ARG1: variants seen among roughly 807,000 people sequenced by gnomAD.
The protein encoded by ARG1 is arginase-1.
A neutral mutation model predicts 33.0 loss-of-function variants in ARG1; 20 were observed. The ratio of observed to expected loss-of-function variants is 0.61; its 90% CI spans 0.43 to 0.88. The LOEUF is 0.88. Ranked by LOEUF, ARG1 falls within the 40% of genes least tolerant of loss-of-function variation. The probability of loss-of-function intolerance (pLI) is 0.00; values close to 1 mark genes in which losing one functional copy is unlikely to be tolerated. For missense variants in ARG1, 374 were observed against 384.7 expected (o/e 0.97, Z 0.23); for synonymous variants, 146 against 140.6 (o/e 1.04, Z -0.27).
intron 1 of ARG1, 64 bp downstream of exon 1, chr6:131,573,403 T>C (rs1156709839): frequency 4.0e-6 from 6 of 1,510,686 alleles, no homozygotes; most frequent in Admixed American, 1.7e-5. Flanking sequence ...CTTCAAAATT[T>C]GTAAGGTGTT....
intron 6 of ARG1, 80 bp from the exon 7 acceptor site, chr6:131,583,275 T>C (rs1342948829): frequency 3.1e-6 from 5 of 1,608,962 alleles, no homozygotes; most frequent in African/African-American, 2.7e-5. Context: ...CTACTTTTTA[T>C]AAAACAAGTT....
intron 2 of ARG1, 136 bp from the exon 3 acceptor site, chr6:131,578,975 G>C: frequency 9.8e-7 from 1 of 1,020,326 alleles, no homozygotes; most frequent in Non-Finnish European, 1.4e-6. Context: ...ACCTTCCCAA[G>C]ATTTACAGAC....
At chr6:131,574,272 CT>C in intron 1 of ARG1, 1 of 1,613,920 alleles carries the variant, frequency 6.2e-7, no homozygotes, top group Non-Finnish European at 8.5e-7. Context: ...ATTTGGAACC[CT>C]TGCTGTGTAC....
chr6:131,578,186 T>TA (rs34484161), intron 2 of ARG1, among the ~76,000 whole-genome samples: 70,309 of 139,946 alleles, frequency 0.5, 17,332 homozygotes, highest in East Asian at 0.71. Context: ...CGTAAATCTT[T>TA]AAAAAAAAAA....
chr6:131,578,358 A>C (rs1387249160), intron 2 of ARG1, among the ~76,000 whole-genome samples: 2 of 152,212 alleles, frequency 1.3e-5, no homozygotes, highest in Non-Finnish European at 2.9e-5. Context: ...TACCATATTT[A>C]ATGGCCAATT....
intron 2 of ARG1, among the ~76,000 whole-genome samples, chr6:131,577,059 G>A (rs1432001179): frequency 6.6e-6 from 1 of 152,122 alleles, no homozygotes; most frequent in Non-Finnish European, 1.5e-5. Context: ...GCAGCAGGAA[G>A]TATGCTACTA....
At chr6:131,578,791 A>C (rs1773762506) in intron 2 of ARG1, among the ~76,000 whole-genome samples, 1 of 152,228 alleles carries the variant, frequency 6.6e-6, no homozygotes, top group Non-Finnish European at 1.5e-5. Context: ...AGAGAGACAG[A>C]GACAGAGACA....
At chr6:131,581,474 T>G (rs1585420812) in intron 4 of ARG1, 96 bp downstream of exon 4, 7 of 1,370,522 alleles carry the variant, frequency 5.1e-6, no homozygotes, top group Non-Finnish European at 7.0e-6. Context: ...TATCTTATTC[T>G]TGGTGTAATC....
In ARG1 at chr6:131,583,853, G is replaced by T; in HGVS notation, c.914G>T (p.Gly305Val). ...GTTGCAATAACCTTGGCTTGTTTCG[G>T]ACTTGCTCGGGAGGGTAATCACAAG... ...TAVAITLACFGLAREGNHKPI... is the reference protein window; with the variant it reads ...TAVAITLACFVLAREGNHKPI... Residue 305 changes from glycine to valine, a missense_variant, in exon 8 of 8, where the codon GGA (glycine) becomes GTA (valine). By Grantham distance (109) the Gly-to-Val change is moderately radical. Coordinates refer to ENST00000368087, the MANE Select transcript of ARG1 (RefSeq NM_000045.4). 1 of 1,614,146 alleles carries T rather than the reference G, an allele frequency of 6.2e-7. No individual in the cohort carries two copies.
Position 131,581,400 on chromosome 6 carries a change from T to A in ARG1, c.465+22T>A, listed in dbSNP as rs145181256. On this transcript the variant is annotated intron_variant, in intron 4 of 7. Transcript: ENST00000368087. ...AAAGGTAAAAGACTGGTTGGTACTC[T>A]AGTGCAATAGAATACTTTTTAGTAG... The A allele has an allele frequency of 2.8e-4, 446 of 1,604,178 alleles. 1 individual carries two copies. In the African/African-American group the frequency reaches 3.4e-3, roughly 12 times the overall value.
At chr6:131,575,565 G>A (rs917804422) in intron 1 of ARG1, among the ~76,000 whole-genome samples, 3 of 152,190 alleles carry the variant, frequency 2.0e-5, no homozygotes, top group African/African-American at 7.2e-5. Flanking sequence ...CCCAGGGCAA[G>A]TCTTCTGTTC....
chr6:131,576,559 A>G lies in ARG1; in HGVS notation c.58-104A>G, dbSNP rs920554932. 5 of 1,140,448 alleles carry G rather than the reference A, an allele frequency of 4.4e-6. No individual in the cohort carries two copies. In the African/African-American group the frequency reaches 6.1e-5, roughly 14 times the overall value. The allele number at this position is 1,140,448 out of a possible 1,614,324, so 70.6% of individuals were successfully genotyped here. Reference sequence around the variant, plus strand: ...TTCCTGGCTCTGTAGGAGCTCAAAAAATGATAGTTACAGTTCAACTGATTA... The same window carrying G: ...TTCCTGGCTCTGTAGGAGCTCAAAAGATGATAGTTACAGTTCAACTGATTA... On this transcript the variant is annotated intron_variant, in intron 1 of 7. Transcript: ENST00000368087.
In ARG1 at chr6:131,583,173, C is replaced by A. The variant is rs1774025291; in HGVS notation, c.665+9C>A. ...AGCTATCTACTAGGAAGGTAGGATTCTTTTGTGTGTGCACACATGTGTGTG... is the reference window on the plus strand; with the variant it reads ...AGCTATCTACTAGGAAGGTAGGATTATTTTGTGTGTGCACACATGTGTGTG... On this transcript the variant is annotated intron_variant, in intron 6 of 7. Coordinates refer to ENST00000368087, the MANE Select transcript of ARG1 (RefSeq NM_000045.4). 1 of 1,611,292 alleles carries A rather than the reference C, an allele frequency of 6.2e-7. No homozygotes were observed. The highest frequency in any genetic ancestry group is 8.5e-7 in the Non-Finnish European group (1 of 1,177,538).
Position 131,573,330 on chromosome 6 carries a change from A to G in ARG1, c.48A>G (p.Ser16=). Residue 16 remains serine, a synonymous_variant, in exon 1 of 8, where the codon TCA becomes TCG. Transcript: ENST00000368087. Reference sequence around the variant, plus strand: ...TAGGGATTATTGGAGCTCCTTTCTCAAAGGGACAGGTAAGGAAAAAAGTCT... The same window carrying G: ...TAGGGATTATTGGAGCTCCTTTCTCGAAGGGACAGGTAAGGAAAAAAGTCT... ...RTIGIIGAPF[S]KGQPRGGVEE... The G allele has an allele frequency of 6.2e-7, 1 of 1,613,992 alleles. No homozygotes were observed. Among genetic ancestry groups the G allele is most frequent in the East Asian group, 2.2e-5 (1 of 44,872 alleles).
intron 3 of ARG1, among the ~76,000 whole-genome samples, chr6:131,579,989 A>G (rs768733486): frequency 7.9e-5 from 12 of 152,242 alleles, no homozygotes; most frequent in Middle Eastern, 3.4e-3. Context: ...ATTTTTCATC[A>G]AGGGGTTACA....
intron 1 of ARG1, among the ~76,000 whole-genome samples, chr6:131,576,110 C>T (rs1260632354): frequency 6.6e-6 from 1 of 152,186 alleles, no homozygotes; most frequent in African/African-American, 2.4e-5. Flanking sequence ...GCTTAAACAG[C>T]ATTTATTTCT....
Position 131,581,271 on chromosome 6 carries a change from GT to G in ARG1, c.359del (p.Val120AlafsTer14). 6.2e-7 allele frequency: 1 copy of G among 1,613,918 alleles called. No individual in the cohort carries two copies. Among genetic ancestry groups the G allele is most frequent in the Non-Finnish European group, 8.5e-7 (1 of 1,179,842 alleles). On this transcript the variant is annotated frameshift_variant, in exon 4 of 8. Coordinates refer to ENST00000368087, the MANE Select transcript of ARG1 (RefSeq NM_000045.4). LOFTEE classifies it high-confidence loss of function. ...GHARVHPDLG[V>X]IWVDAHTDIN... ...TGCCAGGGTCCACCCTGATCTTGGA[GT>G]CATCTGGGTGGATGCTCACACTGAT...
intron 1 of ARG1, chr6:131,574,025 C>G: frequency 3.9e-6 from 2 of 512,522 alleles, no homozygotes; most frequent in South Asian, 5.0e-5. Context: ...CTTACAGCCA[C>G]GAGCTGTGAA....
chr6:131,573,455 A>T, intron 1 of ARG1, 116 bp downstream of exon 1: 1 of 968,088 alleles, frequency 1.0e-6, no homozygotes, highest in South Asian at 1.3e-5. Flanking sequence ...TCTGGCCAGG[A>T]AATGCATATT....
Sources: allele counts gnomAD v4.1 joint callset (sites outside exome capture counted in the v4.1 genomes callset), GRCh38; gene constraint gnomAD v4.1.1; transcripts MANE v1.5; gene names NCBI Gene and HGNC (gene_info 2026-07-23, HGNC 2026-07-21).